VPS13B: variants seen among roughly 807,000 people sequenced by gnomAD.
The protein encoded by VPS13B is intermembrane lipid transfer protein VPS13B.
A neutral mutation model predicts 426.4 loss-of-function variants in VPS13B; 285 were observed. That is an observed-to-expected ratio of 0.67 (90% CI 0.61 to 0.74). The LOEUF (loss-of-function observed/expected upper bound fraction) is 0.74, where lower values mean the gene tolerates loss of function less well. VPS13B is among the 30% of genes least tolerant of loss of function. The pLI is 0.00. For synonymous variants in VPS13B, 1,676 were observed against 1,676.4 expected, an observed-to-expected ratio of 1.00 and a Z score of 0.01; for missense variants, 4,537 against 4,782.6, an observed-to-expected ratio of 0.95 and a Z score of 1.51.
At chr8:99,786,344 TGTTAA>T (rs1485984237) in intron 43 of VPS13B, among the ~76,000 whole-genome samples, 1 of 152,198 alleles carries the variant, frequency 6.6e-6, no homozygotes, top group African/African-American at 2.4e-5. Flanking sequence ...CAAATAGAAA[TGTTAA>T]GTTAGGTAGT....
Position 99,835,246 on chromosome 8 carries a change from C to G in VPS13B, c.9664C>G (p.Leu3222Val). 2 of 1,613,974 alleles carry G rather than the reference C, an allele frequency of 1.2e-6. No homozygotes were observed. Among genetic ancestry groups the G allele is most frequent in the Non-Finnish European group, 8.5e-7 (1 of 1,179,962 alleles). Residue 3222 changes from leucine (L) to valine (V), a missense_variant, in exon 53 of 62, where the codon CTC (leucine) becomes GTC (valine). Leu to Val is a conservative substitution (Grantham distance 32). This residue lies in a region of VPS13B where 4,311 missense variants were observed against 4,474.3 expected (regional missense o/e 0.96). Transcript: ENST00000357162. ...QEHLGVTYLTLSEDPSPRVII... is the reference protein window; with the variant it reads ...QEHLGVTYLTVSEDPSPRVII... Reference sequence around the variant, plus strand: ...ACACCTCGGAGTGACTTATTTAACCCTCTCAGAAGACCCTAGTCCTCGAGT... The same window carrying G: ...ACACCTCGGAGTGACTTATTTAACCGTCTCAGAAGACCCTAGTCCTCGAGT...
At chr8:99,511,082 T>A in intron 28 of VPS13B, 22 bp from the exon 29 acceptor site, 1 of 1,610,154 alleles carries the variant, frequency 6.2e-7, no homozygotes. Flanking sequence ...CTGTGTATTG[T>A]GATTTCCTTT....
chr8:99,077,696 A>G (rs534480822), intron 3 of VPS13B, among the ~76,000 whole-genome samples: 14 of 152,108 alleles, frequency 9.2e-5, no homozygotes, highest in African/African-American at 2.9e-4. Context: ...CTTGAGTATA[A>G]TGTACCTTGG....
chr8:99,281,891 A>G (rs532260195), intron 19 of VPS13B, among the ~76,000 whole-genome samples: 7 of 152,264 alleles, frequency 4.6e-5, no homozygotes, highest in African/African-American at 1.2e-4. Context: ...GATCTAATCA[A>G]TACATCTGTT....
intron 33 of VPS13B, among the ~76,000 whole-genome samples, chr8:99,602,678 A>G (rs1187029899): frequency 4.3e-3 from 597 of 138,644 alleles, no homozygotes; most frequent in East Asian, 8.2e-3. Flanking sequence ...AAGCAACTTC[A>G]GCAAAGTCTC....
At chr8:99,498,585 C>T (rs1028405274) in intron 25 of VPS13B, among the ~76,000 whole-genome samples, 1 of 151,500 alleles carries the variant, frequency 6.6e-6, no homozygotes, top group South Asian at 2.1e-4. Flanking sequence ...AAAAAGAAAA[C>T]ACATTCTAAC....
chr8:99,229,797 T>G (rs1323473697), intron 17 of VPS13B, among the ~76,000 whole-genome samples: 1 of 152,102 alleles, frequency 6.6e-6, no homozygotes, highest in African/African-American at 2.4e-5. Flanking sequence ...CAGTAAGAAT[T>G]TTGGATTTTA....
At chr8:99,585,488 T>C (rs1192557248) in intron 33 of VPS13B, among the ~76,000 whole-genome samples, 1 of 152,184 alleles carries the variant, frequency 6.6e-6, no homozygotes, top group Non-Finnish European at 1.5e-5. Context: ...TTATACACTA[T>C]GGCCACATGG....
chr8:99,693,788 T>C (rs1831804407), intron 35 of VPS13B, among the ~76,000 whole-genome samples: 1 of 149,618 alleles, frequency 6.7e-6, no homozygotes, highest in South Asian at 2.2e-4. Context: ...ATTGTTTATC[T>C]AGAAAACCCC....
intron 58 of VPS13B, among the ~76,000 whole-genome samples, chr8:99,863,132 T>A (rs2130945892): frequency 6.6e-6 from 1 of 152,264 alleles, no homozygotes; most frequent in South Asian, 2.1e-4. Flanking sequence ...TTTTGTATAT[T>A]GGGCCTGGTG....
intron 16 of VPS13B, among the ~76,000 whole-genome samples, chr8:99,174,617 T>G (rs752675546): frequency 5.3e-5 from 8 of 152,204 alleles, no homozygotes; most frequent in African/African-American, 1.9e-4. Context: ...TTTAATTAGT[T>G]TTTTTCCTTG....
intron 24 of VPS13B, among the ~76,000 whole-genome samples, chr8:99,478,463 TTTGTTTTTTG>T (rs1819852098): frequency 8.9e-6 from 1 of 112,882 alleles, no homozygotes; most frequent in Non-Finnish European, 1.8e-5. Flanking sequence ...TTTTTTTTTT[TTTGTTTTTTG>T]TTTTTTTTTT....
At chr8:99,641,386 A>G (rs1829352609) in intron 33 of VPS13B, among the ~76,000 whole-genome samples, 1 of 152,214 alleles carries the variant, frequency 6.6e-6, no homozygotes, top group Non-Finnish European at 1.5e-5. Flanking sequence ...GGAGTATAGC[A>G]TAAACTACTT....
rs796235790 is a variant in VPS13B, at chr8:99,145,032, CA to C, written c.1843+1869del. On this transcript the variant is annotated intron_variant, in intron 13 of 61. Transcript: ENST00000357162. ...AAAGAGGGTTTTATGTAGACAAGTGCAAGAGCCTTGAGGTAGGAACAGTTTG... is the reference window on the plus strand; with the variant it reads ...AAAGAGGGTTTTATGTAGACAAGTGCAGAGCCTTGAGGTAGGAACAGTTTG... Among the ~76,000 whole-genome samples the C allele has an allele frequency of 6.6e-5, 10 of 152,208 alleles. 1 individual carries two copies. The highest frequency in any genetic ancestry group is 2.2e-4 in the African/African-American group (9 of 41,526).
intron 19 of VPS13B, among the ~76,000 whole-genome samples, chr8:99,316,820 C>A (rs538357890): frequency 6.6e-6 from 1 of 152,184 alleles, no homozygotes; most frequent in South Asian, 2.1e-4. Flanking sequence ...ATTGTGAAGC[C>A]CCTGTCTTGT....
At chr8:99,121,633 GTCT>G in intron 8 of VPS13B, 188 bp downstream of exon 8, 1 of 1,392,466 alleles carries the variant, frequency 7.2e-7, no homozygotes, top group Non-Finnish European at 9.3e-7. Flanking sequence ...ATCCCTTCCT[GTCT>G]TCTTAGGGCA....
intron 33 of VPS13B, among the ~76,000 whole-genome samples, chr8:99,626,599 T>A (rs1252576103): frequency 6.6e-6 from 1 of 152,206 alleles, no homozygotes; most frequent in African/African-American, 2.4e-5. Context: ...TGAATTATTA[T>A]CTCAAAGCAT....
intron 17 of VPS13B, among the ~76,000 whole-genome samples, chr8:99,222,399 CA>C (rs1815775271): frequency 6.6e-6 from 1 of 152,148 alleles, no homozygotes; most frequent in East Asian, 1.9e-4. Flanking sequence ...GTTAATACTA[CA>C]TTTTTCATGT....
intron 17 of VPS13B, among the ~76,000 whole-genome samples, chr8:99,235,200 A>G (rs948403540): frequency 2.0e-5 from 3 of 152,198 alleles, no homozygotes; most frequent in Non-Finnish European, 4.4e-5. Context: ...GGAATTGAAC[A>G]CCTTCTTTGT....
Sources: gnomAD v4.1 joint callset for allele counts (sites outside exome capture counted in the v4.1 genomes callset) on GRCh38, gnomAD v4.1.1 for gene constraint, gnomAD v4.1.1 regional missense constraint, MANE v1.5 for transcripts, NCBI Gene and HGNC (gene_info 2026-07-23, HGNC 2026-07-21) for gene names.